PTAFR: variants seen among roughly 807,000 people sequenced by gnomAD.
The protein encoded by PTAFR is platelet-activating factor receptor.
A neutral mutation model predicts 14.7 loss-of-function variants in PTAFR; 8 were observed. The observed-to-expected ratio is 0.54, with a 90% CI of 0.32 to 0.98. PTAFR has a LOEUF of 0.98. Among genes scored for constraint, PTAFR ranks in the 50% least tolerant of loss-of-function variants. The pLI, the probability that PTAFR is intolerant of heterozygous loss-of-function variation, is 0.04. For missense variants in PTAFR, 337 were observed against 451.2 expected, an observed-to-expected ratio of 0.75 and a Z score of 2.29; for synonymous variants, 156 against 176.5, an observed-to-expected ratio of 0.88 and a Z score of 0.92.
At chr1:28,184,032 C>T (rs567867573) in intron 1 of PTAFR, among the ~76,000 whole-genome samples, 2 of 151,136 alleles carry the variant, frequency 1.3e-5, no homozygotes, top group South Asian at 4.2e-4. Context: ...CGCTGGATTG[C>T]AGCCTCCTCC....
intron 1 of PTAFR, among the ~76,000 whole-genome samples, chr1:28,187,423 T>C (rs1205213618): frequency 1.3e-5 from 2 of 151,938 alleles, no homozygotes; most frequent in Admixed American, 6.6e-5. Flanking sequence ...AAATTCCAAA[T>C]GGAATAACAA....
chr1:28,174,111 C>T (rs902506171), intron 1 of PTAFR, among the ~76,000 whole-genome samples: 7 of 152,124 alleles, frequency 4.6e-5, no homozygotes, highest in South Asian at 2.1e-4. Flanking sequence ...GGCTTCTCCC[C>T]GCTCTCATCA....
At chr1:28,181,491 A>G (rs563599662), upstream of PTAFR, among the ~76,000 whole-genome samples, 4 of 152,194 alleles carry the variant, frequency 2.6e-5, no homozygotes, top group Non-Finnish European at 5.9e-5. Context: ...TCACGCCTGT[A>G]ATCTCAGTAC....
intron 1 of PTAFR, among the ~76,000 whole-genome samples, chr1:28,154,852 G>T (rs1484786459): frequency 1.3e-5 from 2 of 148,640 alleles, no homozygotes; most frequent in Admixed American, 1.4e-4. Context: ...AGGGAGGGCA[G>T]CACGGATATT....
At chr1:28,173,021 G>C (rs979517583) in intron 1 of PTAFR, among the ~76,000 whole-genome samples, 5 of 150,388 alleles carry the variant, frequency 3.3e-5, no homozygotes, top group African/African-American at 1.2e-4. Context: ...TGTAATCCCA[G>C]CGCTTTGGGA....
chr1:28,163,702 G>C (rs769517455), intron 1 of PTAFR, among the ~76,000 whole-genome samples: 2 of 152,174 alleles, frequency 1.3e-5, no homozygotes, highest in Non-Finnish European at 2.9e-5. Flanking sequence ...AAATGACCAA[G>C]CCTCCCTCTC....
upstream of PTAFR, among the ~76,000 whole-genome samples, chr1:28,180,888 AAAAG>A (rs1375911511): frequency 2.0e-5 from 3 of 152,172 alleles, no homozygotes; most frequent in African/African-American, 7.2e-5. Context: ...GTATGAAGAA[AAAAG>A]AAAGGAAGAG....
intron 1 of PTAFR, among the ~76,000 whole-genome samples, chr1:28,184,425 C>A (rs1646589531): frequency 6.6e-6 from 1 of 151,990 alleles, no homozygotes; most frequent in Non-Finnish European, 1.5e-5. Context: ...CGCGGTTGAA[C>A]TATTAAACAT....
rs377480051 is a variant in PTAFR at position 28,150,535 on chromosome 1, C to T, written c.487G>A (p.Asp163Asn). Reference protein sequence around the residue: ...LILDSTNTVPDSAGSGNVTRC... With the variant: ...LILDSTNTVPNSAGSGNVTRC... Reference sequence around the variant, plus strand: ...GTGACGTTGCCTGAGCCAGCACTGTCGGGCACTGTGTTGGTGGAGTCCAGG... The same window carrying T: ...GTGACGTTGCCTGAGCCAGCACTGTTGGGCACTGTGTTGGTGGAGTCCAGG... The change falls in exon 2 of 2, where the codon GAC becomes AAC. Residue 163 changes from aspartate (D) to asparagine (N), a missense_variant. Physicochemically the swap from Asp to Asn is conservative, Grantham distance 23. Coordinates refer to ENST00000373857, the MANE Select transcript of PTAFR (RefSeq NM_000952.5). This position sits in a 1 kb window ranked among gnomAD's most constrained non-coding sequence, Gnocchi z 6.3. The T allele has an allele frequency of 4.5e-5, 72 of 1,614,062 alleles. No individual in the cohort carries two copies. The African/African-American group carries it at 6.3e-4, about 14-fold the overall frequency.
At chr1:28,174,155 G>A (rs879367339) in intron 1 of PTAFR, among the ~76,000 whole-genome samples, 2 of 152,154 alleles carry the variant, frequency 1.3e-5, no homozygotes, top group Non-Finnish European at 2.9e-5. Context: ...GGTGGTCAGA[G>A]AGGGGGCTGC....
chr1:28,148,476 C>CT lies in PTAFR; in HGVS notation c.*1516dup, dbSNP rs1210617119. 1.3e-5 allele frequency: 2 copies of CT among 152,806 alleles called. No homozygotes were observed. The highest frequency in any genetic ancestry group is 4.1e-4 in the South Asian group (2 of 4,848). 9.5% of individuals were successfully genotyped at this position (152,806 alleles called of 1,614,324 possible). A position where few individuals can be genotyped will look rare whatever the true frequency, so the allele number is the denominator to read the frequency against. ...CTGGCCTGGACAGCTCCAATTTTGCCTTTTTTGTTTGTTTGTTTGTTTTTG... is the reference window on the plus strand; with the variant it reads ...CTGGCCTGGACAGCTCCAATTTTGCCTTTTTTTGTTTGTTTGTTTGTTTTTG... On this transcript the variant is annotated 3_prime_UTR_variant, in exon 2 of 2. Coordinates refer to ENST00000373857, the MANE Select transcript of PTAFR (RefSeq NM_000952.5).
rs758345510 is a variant in PTAFR, at chr1:28,150,054, T to C, written c.968A>G (p.Asp323Gly). 3.7e-6 allele frequency: 6 copies of C among 1,614,062 alleles called. No individual in the cohort carries two copies. The African/African-American group carries it at 8.0e-5, about 22-fold the overall frequency. ...SSRKCSRATT[D>G]TVTEVVVPFN... ...TGGCACAACCACTTCAGTGACCGTA[T>C]CCGTGGTGGCCCGGGAGCATTTCCG... The change falls in exon 2 of 2, where the codon GAT (aspartate) becomes GGT (glycine). Residue 323 changes from aspartate (D) to glycine (G), a missense_variant. Coordinates refer to ENST00000373857, the MANE Select transcript of PTAFR (RefSeq NM_000952.5). This position sits in a 1 kb window ranked among gnomAD's most constrained non-coding sequence, Gnocchi z 6.3.
chr1:28,182,973 G>C (rs1646574567), intron 1 of PTAFR, among the ~76,000 whole-genome samples: 1 of 152,154 alleles, frequency 6.6e-6, no homozygotes, highest in South Asian at 2.1e-4. Flanking sequence ...GAGCCACCAG[G>C]CCCGGTGGTT....
intron 1 of PTAFR, among the ~76,000 whole-genome samples, chr1:28,157,630 A>ATTTTTTTTTTTTT (rs1197395346): frequency 7.6e-6 from 1 of 131,140 alleles, no homozygotes; most frequent in Non-Finnish European, 1.7e-5. Flanking sequence ...ATTAATTTTG[A>ATTTTTTTTTTTTT]TTTTTTTTTT....
At chr1:28,170,606 T>C (rs1329610356) in intron 1 of PTAFR, among the ~76,000 whole-genome samples, 1 of 152,060 alleles carries the variant, frequency 6.6e-6, no homozygotes, top group South Asian at 2.1e-4. Context: ...CTAGCTACTA[T>C]GGAGGCTGAG....
Position 28,149,740 on chromosome 1 carries a change from G to A in PTAFR, c.*253C>T, listed in dbSNP as rs546315943. The A allele has an allele frequency of 2.1e-6, 1 of 479,604 alleles. No homozygotes were observed. The highest frequency in any genetic ancestry group is 3.7e-6 in the Non-Finnish European group (1 of 270,768). The allele number at this position is 479,604 out of a possible 1,614,324, so 29.7% of individuals were successfully genotyped here. ...TTCCTTCCGGCCCCATAAGATTAAG[G>A]GACTCAGGATAAAGTCATCAGTCAC... is the stretch of plus-strand genomic sequence containing the variant. On this transcript the variant is annotated 3_prime_UTR_variant, in exon 2 of 2. Transcript: ENST00000373857.
At chr1:28,193,622 T>G (rs1018581641) in intron 1 of PTAFR, 5 of 153,046 alleles carry the variant, frequency 3.3e-5, no homozygotes, top group Non-Finnish European at 7.3e-5. Flanking sequence ...CACCTAGCTC[T>G]GTGGACCCTT....
chr1:28,154,953 T>G (rs1020306327), intron 1 of PTAFR, among the ~76,000 whole-genome samples: 1 of 151,876 alleles, frequency 6.6e-6, no homozygotes, highest in Non-Finnish European at 1.5e-5. Context: ...GGCAGAGAAC[T>G]CTGCATGGGT....
rs755580120 is a variant in PTAFR, at chr1:28,150,495, T to C, written c.527A>G (p.His176Arg). Residue 176 changes from histidine to arginine, a missense_variant, in exon 2 of 2, where the codon CAT (histidine) becomes CGT (arginine). Physicochemically the swap from His to Arg is conservative, Grantham distance 29. Transcript: ENST00000373857. This position sits in a 1 kb window ranked among gnomAD's most constrained non-coding sequence, Gnocchi z 6.3. The stretch of plus-strand genomic sequence containing the variant: ...GACTGGCACGCTGCCCTTCTCGTAA[T>C]GCTCAAAGCAGCGAGTGACGTTGCC... The part of the protein sequence containing the change: ...GSGNVTRCFE[H>R]YEKGSVPVLI... The C allele has an allele frequency of 1.8e-5, 29 of 1,614,070 alleles. No homozygotes were observed. Among genetic ancestry groups the C allele is most frequent in the Non-Finnish European group, 2.1e-5 (25 of 1,180,036 alleles).
Sources: allele counts gnomAD v4.1 joint callset (sites outside exome capture counted in the v4.1 genomes callset), GRCh38; gene constraint gnomAD v4.1.1; non-coding constraint Gnocchi (gnomAD v3.1); transcripts MANE v1.5; gene names NCBI Gene and HGNC (gene_info 2026-07-23, HGNC 2026-07-21).